The following UNC5A variants were observed in gnomAD, a reference collection of about 807,000 sequenced individuals.
The protein encoded by UNC5A is netrin receptor UNC5A.
UNC5A carries 20 observed loss-of-function variants against 87.4 expected under a neutral mutation model. That is an observed-to-expected ratio of 0.23 (90% CI 0.16 to 0.33). UNC5A has a LOEUF of 0.33. Ranked by LOEUF, UNC5A falls within the 10% of genes least tolerant of loss-of-function variation. The pLI is 1.00. For synonymous variants in UNC5A, 438 were observed against 482.3 expected, an observed-to-expected ratio of 0.91 and a Z score of 1.20; for missense variants, 844 against 1,133.4, an observed-to-expected ratio of 0.74 and a Z score of 3.67.
intron 1 of UNC5A, among the ~76,000 whole-genome samples, chr5:176,820,396 C>CAA (rs958591161): frequency 2.1e-5 from 3 of 140,652 alleles, no homozygotes; most frequent in African/African-American, 7.9e-5. Flanking sequence ...GACTCCGTCT[C>CAA]AAAAAAAAAA....
At chr5:176,861,076 C>G (rs995353092) in intron 1 of UNC5A, among the ~76,000 whole-genome samples, 4 of 152,220 alleles carry the variant, frequency 2.6e-5, no homozygotes, top group African/African-American at 9.6e-5. Flanking sequence ...GCCAGCCTCC[C>G]TCTGCCATCC....
At position 176,879,772 on chromosome 5, in the gene UNC5A, C is replaced by T; in HGVS notation, c.2415C>T (p.Asn805=). ...SKPSPTAMIL[N]LWEARHFPNG... is the part of the protein sequence containing the mutation. The stretch of plus-strand genomic sequence containing the variant: ...CCAGCCCCACAGCCATGATCCTCAA[C>T]CTGTGGGAGGCGCGGCACTTCCCCA... The change falls in exon 15 of 15, where the codon AAC becomes AAT. Residue 805 remains asparagine (N), a synonymous_variant. Transcript: ENST00000329542. The T allele has an allele frequency of 1.2e-6, 2 of 1,613,530 alleles. No homozygotes were observed. The highest frequency in any genetic ancestry group is 1.7e-6 in the Non-Finnish European group (2 of 1,179,898).
chr5:176,829,416 A>ATGGATGG (rs1756943845), intron 1 of UNC5A, among the ~76,000 whole-genome samples: 20 of 76,038 alleles, frequency 2.6e-4, no homozygotes, highest in Admixed American at 1.8e-3. Context: ...ATGAAAGATG[A>ATGGATGG]ATGGATGGAT....
chr5:176,855,716 C>T (rs1469612716), intron 1 of UNC5A, among the ~76,000 whole-genome samples: 2 of 152,242 alleles, frequency 1.3e-5, no homozygotes, highest in Admixed American at 6.5e-5. Context: ...CCCGGACATC[C>T]GAGCACCTGT....
At chr5:176,867,771 GTCTTTGGAGGTCAGACCC>G (rs1201329076) in intron 2 of UNC5A, among the ~76,000 whole-genome samples, 1 of 152,112 alleles carries the variant, frequency 6.6e-6, no homozygotes, top group Non-Finnish European at 1.5e-5. Context: ...TCTGCCTGGA[GTCTTTGGAGGTCAGACCC>G]TCTGGCCCAA....
In UNC5A at chr5:176,810,700, TCCCGCCCGCGGGGCCCCGCGCCCGG is replaced by T. The variant is rs1756427315; in HGVS notation, c.-41_-17del. ...CCGGGCTGAGGCGCTAAAGCCGCCC[TCCCGCCCGCGGGGCCCCGCGCCCGG>T]CCCGCCCGCCTGCCCGCCCGCGGCC... On this transcript the variant is annotated 5_prime_UTR_variant, in exon 1 of 15. Transcript: ENST00000329542. The surrounding 1 kb of genome is among the most constrained non-coding windows in gnomAD (Gnocchi z 7.3). 7.6e-6 allele frequency: 6 copies of T among 786,832 alleles called. No individual in the cohort carries two copies. The highest frequency in any genetic ancestry group is 5.6e-5 in the South Asian group (1 of 17,762). 48.7% of individuals were successfully genotyped at this position (786,832 alleles called of 1,614,324 possible).
intron 1 of UNC5A, among the ~76,000 whole-genome samples, chr5:176,826,382 G>A (rs1312792639): frequency 2.0e-5 from 3 of 152,224 alleles, no homozygotes; most frequent in African/African-American, 7.2e-5. Flanking sequence ...GGCCAGGCAG[G>A]CTACTTCCAC....
chr5:176,841,199 G>A lies in UNC5A; in HGVS notation c.71-21425G>A, dbSNP rs1166782900. Reference sequence around the variant, plus strand: ...GCTAAAGTTGCAGGGGGCACCAGATGTCTGTTCTAATTTATTTCCTTTGAG... The same window carrying A: ...GCTAAAGTTGCAGGGGGCACCAGATATCTGTTCTAATTTATTTCCTTTGAG... On this transcript the variant is annotated intron_variant, in intron 1 of 14. Transcript: ENST00000329542. This position sits in a 1 kb window ranked among gnomAD's most constrained non-coding sequence, Gnocchi z 4.1. 6.6e-6 allele frequency among the ~76,000 whole-genome samples: 1 copy of A among 152,258 alleles called. No individual in the cohort carries two copies. Among genetic ancestry groups the A allele is most frequent in the Admixed American group, 6.5e-5 (1 of 15,288 alleles).
chr5:176,817,223 C>T (rs1401233372), intron 1 of UNC5A, among the ~76,000 whole-genome samples: 1 of 143,574 alleles, frequency 7.0e-6, no homozygotes, highest in Non-Finnish European at 1.5e-5. Context: ...GAGCTGTGTC[C>T]GTCTGGAAGG....
In UNC5A at chr5:176,868,822, C is replaced by T; in HGVS notation, c.579C>T (p.Ser193=). 6.2e-7 allele frequency: 1 copy of T among 1,608,980 alleles called. No homozygotes were observed. Among genetic ancestry groups the T allele is most frequent in the Non-Finnish European group, 8.5e-7 (1 of 1,176,744 alleles). ...WLRNEDLVDP[S]LDPNVYITRE... ...GGAACGAGGACCTGGTGGACCCGTC[C>T]CTGGACCCCAATGTATACATCACGC... Residue 193 remains serine, a synonymous_variant, in exon 5 of 15, where the codon TCC becomes TCT. Coordinates refer to ENST00000329542, the MANE Select transcript of UNC5A (RefSeq NM_133369.3).
intron 1 of UNC5A, among the ~76,000 whole-genome samples, chr5:176,830,665 GGT>G (rs1186358013): frequency 1.6e-5 from 2 of 122,056 alleles, no homozygotes; most frequent in African/African-American, 6.6e-5. Flanking sequence ...TGTGTGTGCT[GGT>G]GTGTGTGGGA....
chr5:176,830,633 T>TGC (rs201471281), intron 1 of UNC5A, among the ~76,000 whole-genome samples: 2 of 134,540 alleles, frequency 1.5e-5, no homozygotes, highest in African/African-American at 6.0e-5. Flanking sequence ...TGTGTGTGTG[T>TGC]GCGCTGGCGT....
chr5:176,840,414 G>T (rs116485190), intron 1 of UNC5A, among the ~76,000 whole-genome samples: 2 of 152,166 alleles, frequency 1.3e-5, no homozygotes, highest in African/African-American at 4.8e-5. Flanking sequence ...CCACCAGCCC[G>T]CAGCTTCCTA....
chr5:176,879,810 G>C lies in UNC5A; in HGVS notation c.2453G>C (p.Ser818Thr). The change falls in exon 15 of 15, where the codon AGC (serine) becomes ACC (threonine). Residue 818 changes from serine to threonine, a missense_variant. By Grantham distance (58) the Ser-to-Thr change is moderately conservative. Transcript: ENST00000329542. Reference protein sequence around the residue: ...EARHFPNGNLSQLAAAVAGLG... With the variant: ...EARHFPNGNLTQLAAAVAGLG... ...CGGCACTTCCCCAACGGCAACCTCA[G>C]CCAGCTGGCTGCAGCAGTGGCTGGA... The C allele has an allele frequency of 6.2e-7, 1 of 1,613,166 alleles. No homozygotes were observed. The highest frequency in any genetic ancestry group is 8.5e-7 in the Non-Finnish European group (1 of 1,179,908).
At position 176,841,038 on chromosome 5, in the gene UNC5A, C is replaced by T. The variant is rs890002653; in HGVS notation, c.71-21586C>T. 2.0e-5 allele frequency among the ~76,000 whole-genome samples: 3 copies of T among 152,246 alleles called. No homozygotes were observed. Among genetic ancestry groups the T allele is most frequent in the Admixed American group, 6.5e-5 (1 of 15,284 alleles). ...ACCGGAGAAGGGGGATGAACCACTC[C>T]GCGCTGAATGGAGGCAGCGTGACTT... is the stretch of plus-strand genomic sequence containing the variant. On this transcript the variant is annotated intron_variant, in intron 1 of 14. Coordinates refer to ENST00000329542, the MANE Select transcript of UNC5A (RefSeq NM_133369.3). The surrounding 1 kb of genome is among the most constrained non-coding windows in gnomAD (Gnocchi z 4.1).
chr5:176,865,697 C>T lies in UNC5A; in HGVS notation c.293-2433C>T, dbSNP rs1371097308. On this transcript the variant is annotated intron_variant, in intron 2 of 14. Coordinates refer to ENST00000329542, the MANE Select transcript of UNC5A (RefSeq NM_133369.3). The surrounding 1 kb of genome is among the most constrained non-coding windows in gnomAD (Gnocchi z 5.3). ...GCCGCCAAAGACCAAAGACCCCAAA[C>T]CAGAAACGTTCTGTGGTCAGACAGG... is the stretch of plus-strand genomic sequence containing the variant. 1 of 456,606 alleles carries T rather than the reference C, an allele frequency of 2.2e-6. No homozygotes were observed. The highest frequency in any genetic ancestry group is 1.5e-5 in the South Asian group (1 of 64,572). The allele number at this position is 456,606 out of a possible 1,614,324, so 28.3% of individuals were successfully genotyped here.
intron 1 of UNC5A, among the ~76,000 whole-genome samples, chr5:176,857,427 C>A (rs986209595): frequency 3.3e-5 from 5 of 152,158 alleles, no homozygotes; most frequent in African/African-American, 1.2e-4. Flanking sequence ...TGCCACCGGC[C>A]CCGGGGACTC....
At chr5:176,826,766 G>A (rs1479667961) in intron 1 of UNC5A, among the ~76,000 whole-genome samples, 7 of 150,774 alleles carry the variant, frequency 4.6e-5, no homozygotes, top group Non-Finnish European at 1.0e-4. Context: ...TCAGCCTCCC[G>A]AGTAGCTGGG....
intron 1 of UNC5A, among the ~76,000 whole-genome samples, chr5:176,822,983 A>C (rs1044482469): frequency 2.0e-5 from 3 of 152,090 alleles, no homozygotes; most frequent in Non-Finnish European, 4.4e-5. Flanking sequence ...TTAATCTGGC[A>C]GCCCATGGAG....
Sources: allele counts gnomAD v4.1 joint callset (sites outside exome capture counted in the v4.1 genomes callset), GRCh38; gene constraint gnomAD v4.1.1; non-coding constraint Gnocchi (gnomAD v3.1); transcripts MANE v1.5; gene names NCBI Gene and HGNC (gene_info 2026-07-23, HGNC 2026-07-21).